The following VPS54 variants were observed in gnomAD, a reference collection of about 807,000 sequenced individuals.
The protein encoded by VPS54 is vacuolar protein sorting-associated protein 54.
In VPS54, 45 loss-of-function variants were observed where a neutral mutation model predicts 121.5. The observed-to-expected ratio is 0.37, with a 90% CI of 0.29 to 0.47. The LOEUF is 0.47. Ranked by LOEUF, VPS54 falls within the 20% of genes least tolerant of loss-of-function variation. VPS54 has a pLI of 0.99. For synonymous variants in VPS54, 371 were observed against 385.8 expected, an observed-to-expected ratio of 0.96 and a Z score of 0.45; for missense variants, 1,090 against 1,131.4, an observed-to-expected ratio of 0.96 and a Z score of 0.52.
chr2:63,929,207 T>C (rs1186547455), intron 12 of VPS54, among the ~76,000 whole-genome samples: 1 of 152,176 alleles, frequency 6.6e-6, no homozygotes, highest in Non-Finnish European at 1.5e-5. Context: ...ATCAACAGAA[T>C]ATACATTCTT....
intron 1 of VPS54, among the ~76,000 whole-genome samples, chr2:63,984,274 A>T (rs1277970773): frequency 1.3e-5 from 2 of 152,224 alleles, no homozygotes; most frequent in Non-Finnish European, 2.9e-5. Flanking sequence ...GGTTGTACCC[A>T]ACATATATTA....
At chr2:63,939,653 G>C (rs938609492) in intron 11 of VPS54, among the ~76,000 whole-genome samples, 1 of 151,790 alleles carries the variant, frequency 6.6e-6, no homozygotes, top group Non-Finnish European at 1.5e-5. Flanking sequence ...ACCAGCTAAA[G>C]AAAACCACCA....
chr2:63,957,846 C>G (rs1301685215), intron 7 of VPS54, among the ~76,000 whole-genome samples: 1 of 152,128 alleles, frequency 6.6e-6, no homozygotes, highest in Admixed American at 6.5e-5. Flanking sequence ...TAGAATCTCC[C>G]AGAGAGCTTT....
At chr2:63,956,522 A>C (rs1480739734) in intron 7 of VPS54, among the ~76,000 whole-genome samples, 1 of 152,180 alleles carries the variant, frequency 6.6e-6, no homozygotes, top group Non-Finnish European at 1.5e-5. Context: ...GTACAATCAA[A>C]TTAGTATTGA....
At chr2:63,938,849 A>C (rs901716629) in intron 11 of VPS54, among the ~76,000 whole-genome samples, 4 of 152,248 alleles carry the variant, frequency 2.6e-5, no homozygotes, top group Admixed American at 2.6e-4. Context: ...ACAGTAGCAC[A>C]ATAGTGCAAA....
intron 1 of VPS54, among the ~76,000 whole-genome samples, chr2:64,011,676 T>C (rs1678439057): frequency 6.6e-6 from 1 of 152,172 alleles, no homozygotes; most frequent in African/African-American, 2.4e-5. Flanking sequence ...AAAAATAGCT[T>C]GGATGCTTTC....
chr2:63,959,500 T>A (rs1397367627), intron 7 of VPS54, among the ~76,000 whole-genome samples: 2 of 152,136 alleles, frequency 1.3e-5, no homozygotes, highest in Admixed American at 6.5e-5. Flanking sequence ...CATGAAGAAA[T>A]AACACTCTTT....
At chr2:63,986,743 C>G (rs71422399) in intron 1 of VPS54, among the ~76,000 whole-genome samples, 14 of 152,224 alleles carry the variant, frequency 9.2e-5, no homozygotes, top group Non-Finnish European at 4.4e-5. Context: ...TCCACATCTT[C>G]GCAAGCACTT....
rs139191613 is a variant in VPS54 at position 63,937,957 on chromosome 2, C to T, written c.1399-3944G>A. On this transcript the variant is annotated intron_variant, in intron 11 of 22. Coordinates refer to ENST00000272322, the MANE Select transcript of VPS54 (RefSeq NM_016516.3). The stretch of plus-strand genomic sequence containing the variant: ...TATGAAATACCTAATAATCGGTGCA[C>T]AGCATGAGTGCTCTATGAGTCAAAC... Among the ~76,000 whole-genome samples the T allele has an allele frequency of 4.6e-3, 692 of 151,994 alleles. 9 individuals carry two copies. Among genetic ancestry groups the T allele is most frequent in the African/African-American group, 0.015 (640 of 41,392 alleles).
chr2:63,920,191 A>AT (rs1673578001), intron 14 of VPS54, among the ~76,000 whole-genome samples, 196 bp from the exon 15 acceptor site: 1 of 152,142 alleles, frequency 6.6e-6, no homozygotes. Context: ...TGATGAAACA[A>AT]TTTACTTAAC....
At chr2:63,997,474 A>C (rs1485288542) in intron 1 of VPS54, among the ~76,000 whole-genome samples, 1 of 152,134 alleles carries the variant, frequency 6.6e-6, no homozygotes, top group Non-Finnish European at 1.5e-5. Flanking sequence ...TAGATTTTGC[A>C]ATTTATTGGC....
At chr2:63,920,314 A>T (rs373013300) in intron 14 of VPS54, 132 bp downstream of exon 14, 1 of 790,942 alleles carries the variant, frequency 1.3e-6, no homozygotes. Context: ...TTAATTCCAC[A>T]ATCTGCCTTT....
Position 63,934,763 on chromosome 2 carries a change from C to T in VPS54, c.1399-750G>A, listed in dbSNP as rs114923009. Among the ~76,000 whole-genome samples, 665 of 152,300 alleles carry T rather than the reference C, an allele frequency of 4.4e-3. 2 individuals are homozygous for T. The highest frequency in any genetic ancestry group is 8.0e-3 in the Non-Finnish European group (544 of 68,008). ...CTTCTATTAGAATGTCAGCTCCATT[C>T]CATGACACTGTAATCCTAATGCCTA... On this transcript the variant is annotated intron_variant, in intron 11 of 22. Transcript: ENST00000272322.
At chr2:63,908,347 T>C (rs1332061480) in intron 20 of VPS54, among the ~76,000 whole-genome samples, 1 of 152,142 alleles carries the variant, frequency 6.6e-6, no homozygotes, top group Admixed American at 6.6e-5. Context: ...ACTTAGAGGA[T>C]ATTCTGGAAA....
At chr2:63,903,990 G>T (rs1260541999) in intron 20 of VPS54, among the ~76,000 whole-genome samples, 1 of 151,992 alleles carries the variant, frequency 6.6e-6, no homozygotes, top group African/African-American at 2.4e-5. Flanking sequence ...GCTTCATTCT[G>T]GGTATAAGAA....
At position 63,921,346 on chromosome 2, in the gene VPS54, CAAAAT is replaced by C. The variant is rs767493203; in HGVS notation, c.1740-16_1740-12del. 1.9e-6 allele frequency: 3 copies of C among 1,609,372 alleles called. No individual in the cohort carries two copies. Among genetic ancestry groups the C allele is most frequent in the African/African-American group, 2.7e-5 (2 of 74,776 alleles). On this transcript the variant is annotated splice_polypyrimidine_tract_variant and intron_variant, in intron 12 of 22. Transcript: ENST00000272322. Reference sequence around the variant, plus strand: ...ATATCTTCACTGACCCTGAAAATAACAAAATAAGATTTAGTCAGGGAAAGTTGTAA... The same window carrying C: ...ATATCTTCACTGACCCTGAAAATAACAAGATTTAGTCAGGGAAAGTTGTAA...
chr2:63,981,998 T>C, intron 2 of VPS54, 111 bp from the exon 3 acceptor site: 3 of 1,148,576 alleles, frequency 2.6e-6, no homozygotes, highest in Non-Finnish European at 2.4e-6. Flanking sequence ...GCAAACCAAC[T>C]AATCTTCCAC....
chr2:63,988,894 C>T (rs13426789), intron 1 of VPS54, among the ~76,000 whole-genome samples: 221 of 152,208 alleles, frequency 1.5e-3, no homozygotes, highest in African/African-American at 4.8e-3. Flanking sequence ...CAGGACAGAG[C>T]CATATTTCTC....
chr2:63,944,802 G>T, intron 9 of VPS54, 147 bp from the exon 10 acceptor site: 1 of 606,644 alleles, frequency 1.6e-6, no homozygotes, highest in Non-Finnish European at 2.8e-6. Context: ...CAACATAACT[G>T]ATCATTAGAG....
Sources: allele counts gnomAD v4.1 joint callset (sites outside exome capture counted in the v4.1 genomes callset), GRCh38; gene constraint gnomAD v4.1.1; transcripts MANE v1.5; gene names NCBI Gene and HGNC (gene_info 2026-07-23, HGNC 2026-07-21).